The following EFHD1 variants were observed in gnomAD, a reference collection of about 807,000 sequenced individuals.
EFHD1 encodes the protein EF-hand domain-containing protein D1.
EFHD1 carries 10 observed loss-of-function variants against 17.2 expected under a neutral mutation model. That is an observed-to-expected ratio of 0.58 (90% CI 0.36 to 0.99). The LOEUF is 0.99. Among genes scored for constraint, EFHD1 ranks in the 50% least tolerant of loss-of-function variants. EFHD1 has a pLI of 0.01. For synonymous variants in EFHD1, 153 were observed against 142.0 expected (o/e 1.08, Z -0.55); for missense variants, 310 against 327.5 (o/e 0.95, Z 0.41).
intron 1 of EFHD1, chr2:232,638,516 T>C (rs1694361669): frequency 4.3e-6 from 2 of 466,438 alleles, no homozygotes; most frequent in Non-Finnish European, 8.9e-6. Context: ...TCATTTCTCG[T>C]CCCCTCTCCT....
At chr2:232,630,052 C>T (rs947522301), upstream of EFHD1, among the ~76,000 whole-genome samples, 4 of 152,126 alleles carry the variant, frequency 2.6e-5, no homozygotes, top group South Asian at 2.1e-4. Flanking sequence ...CAGGTTCAAG[C>T]GATTCTCCCA....
chr2:232,650,881 C>T (rs1411148071), intron 1 of EFHD1, among the ~76,000 whole-genome samples: 1 of 151,792 alleles, frequency 6.6e-6, no homozygotes, highest in Non-Finnish European at 1.5e-5. Flanking sequence ...TTCTGGATTG[C>T]CTTTAATTAA....
chr2:232,615,083 G>A (rs1359980191), intron 1 of EFHD1, among the ~76,000 whole-genome samples: 2 of 152,076 alleles, frequency 1.3e-5, no homozygotes, highest in African/African-American at 4.8e-5. Flanking sequence ...TCCACCTCCT[G>A]GGCTCAAGCA....
intron 2 of EFHD1, among the ~76,000 whole-genome samples, chr2:232,667,533 A>AT (rs2106214203): frequency 6.6e-6 from 1 of 150,970 alleles, no homozygotes; most frequent in Non-Finnish European, 1.5e-5. Flanking sequence ...ATTTTAATTA[A>AT]TTAATTAATT....
chr2:232,637,351 T>TC (rs964322262), intron 1 of EFHD1, among the ~76,000 whole-genome samples: 3 of 150,554 alleles, frequency 2.0e-5, no homozygotes, highest in Non-Finnish European at 4.4e-5. Context: ...TCCTTTTTTT[T>TC]TTTTTTTTTT....
At chr2:232,613,788 A>T (rs528239478) in intron 1 of EFHD1, among the ~76,000 whole-genome samples, 1 of 149,872 alleles carries the variant, frequency 6.7e-6, no homozygotes, top group East Asian at 2.0e-4. Flanking sequence ...ATATACACAC[A>T]CATATACACA....
At chr2:232,665,500 C>A (rs1175292478) in intron 2 of EFHD1, among the ~76,000 whole-genome samples, 1 of 152,090 alleles carries the variant, frequency 6.6e-6, no homozygotes, top group Non-Finnish European at 1.5e-5. Context: ...CGGCTCAGTG[C>A]AACCTCCACC....
intron 1 of EFHD1, among the ~76,000 whole-genome samples, chr2:232,634,354 T>C (rs1694275333): frequency 6.6e-6 from 1 of 151,924 alleles, no homozygotes; most frequent in African/African-American, 2.4e-5. Context: ...AAGGGAGCCG[T>C]CGCCGCGCCT....
intron 3 of EFHD1, among the ~76,000 whole-genome samples, chr2:232,676,967 C>T (rs2106219970): frequency 6.6e-6 from 1 of 151,898 alleles, no homozygotes; most frequent in South Asian, 2.1e-4. Flanking sequence ...ACCACTGGAC[C>T]ACAGCCTGGG....
At position 232,633,644 on chromosome 2, in the gene EFHD1, C is replaced by G. The variant is rs2106192933; in HGVS notation, c.-61C>G. The G allele has an allele frequency of 7.3e-7, 1 of 1,361,580 alleles. No individual in the cohort carries two copies. Among genetic ancestry groups the G allele is most frequent in the African/African-American group, 1.5e-5 (1 of 65,134 alleles). 84.3% of individuals were successfully genotyped at this position (1,361,580 alleles called of 1,614,324 possible). On this transcript the variant is annotated 5_prime_UTR_variant, in exon 1 of 4. Transcript: ENST00000264059. ...CTCGAGCCTGCGAGGAGCGCGCCGC[C>G]CGCCAGCTCCCTGCGTCCCGTCCCG...
intron 1 of EFHD1, 101 bp from the exon 2 acceptor site, chr2:232,662,701 T>G (rs1574727723): frequency 1.3e-6 from 2 of 1,482,782 alleles, no homozygotes; most frequent in Non-Finnish European, 1.8e-6. Context: ...GAGCGGGAGG[T>G]ATTTGAGTCA....
chr2:232,682,341 G>C lies in EFHD1; in HGVS notation c.*622G>C, dbSNP rs565368009. The C allele has an allele frequency of 1.3e-5, 2 of 152,788 alleles. No homozygotes were observed. Among genetic ancestry groups the C allele is most frequent in the Admixed American group, 6.5e-5 (1 of 15,280 alleles). 9.5% of individuals were successfully genotyped at this position (152,788 alleles called of 1,614,324 possible). On this transcript the variant is annotated 3_prime_UTR_variant, in exon 4 of 4. Coordinates refer to ENST00000264059, the MANE Select transcript of EFHD1 (RefSeq NM_025202.4). ...CTGCCACCTTTCTCCTGGCCCCTTA[G>C]CATTCCCCCAGTCCCTCCCTCTTCA...
In EFHD1 at chr2:232,677,247, C is replaced by CGT. The variant is rs1265980944; in HGVS notation, c.586-4338_586-4337insGT. On this transcript the variant is annotated intron_variant, in intron 3 of 3. Coordinates refer to ENST00000264059, the MANE Select transcript of EFHD1 (RefSeq NM_025202.4). The stretch of plus-strand genomic sequence containing the variant: ...ACACACACACACACACACACGTACA[C>CGT]ACACACATCTTTCTATAACACACAC... Among the ~76,000 whole-genome samples the CGT allele has an allele frequency of 3.8e-3, 503 of 132,290 alleles. 3 individuals are homozygous for CGT. The highest frequency in any genetic ancestry group is 6.3e-3 in the Non-Finnish European group (396 of 63,000). The allele number at this position is 132,290 out of a possible 152,430, so 86.8% of individuals were successfully genotyped here. A position where few individuals can be genotyped will look rare whatever the true frequency, so the allele number is the denominator to read the frequency against.
At chr2:232,644,566 G>A (rs1694492229) in intron 1 of EFHD1, among the ~76,000 whole-genome samples, 1 of 151,528 alleles carries the variant, frequency 6.6e-6, no homozygotes, top group Non-Finnish European at 1.5e-5. Flanking sequence ...AGGCTGGAGT[G>A]CAGTGGTGCG....
At chr2:232,610,472 G>A (rs1191966467) in intron 1 of EFHD1, among the ~76,000 whole-genome samples, 2 of 152,220 alleles carry the variant, frequency 1.3e-5, no homozygotes, top group African/African-American at 4.8e-5. Flanking sequence ...CTACTCAGGA[G>A]GCTGAGGCAG....
intron 1 of EFHD1, among the ~76,000 whole-genome samples, chr2:232,654,025 G>A (rs1270996751): frequency 6.6e-6 from 1 of 151,902 alleles, no homozygotes; most frequent in African/African-American, 2.4e-5. Flanking sequence ...TGACCAACAT[G>A]GAGAAACCCT....
intron 1 of EFHD1, among the ~76,000 whole-genome samples, chr2:232,621,883 C>T (rs1183355502): frequency 2.0e-5 from 3 of 152,180 alleles, no homozygotes; most frequent in Non-Finnish European, 4.4e-5. Context: ...CCCCTCTGTG[C>T]CCATGACAGA....
chr2:232,647,399 G>C (rs1353168704), intron 1 of EFHD1, among the ~76,000 whole-genome samples: 1 of 152,216 alleles, frequency 6.6e-6, no homozygotes, highest in Admixed American at 6.5e-5. Context: ...TCTGAGACCT[G>C]TGCCCCCTGG....
chr2:232,633,908 C>T lies in EFHD1; in HGVS notation c.204C>T (p.Gly68=). 11 of 1,580,106 alleles carry T rather than the reference C, an allele frequency of 7.0e-6. No individual in the cohort carries two copies. The highest frequency in any genetic ancestry group is 9.4e-6 in the Non-Finnish European group (11 of 1,172,404). The change falls in exon 1 of 4, where the codon GGC becomes GGT. Residue 68 remains glycine (G), a synonymous_variant. Transcript: ENST00000264059. Reference sequence around the variant, plus strand: ...GCCGGCGGCTGGACATCAACGAGGGCGCTGCGCGGCCCCGGCGCTGCAGGG... The same window carrying T: ...GCCGGCGGCTGGACATCAACGAGGGTGCTGCGCGGCCCCGGCGCTGCAGGG... ...QLSRRLDINE[G]AARPRRCRVF... is the part of the protein sequence containing the mutation.
Sources: allele counts gnomAD v4.1 joint callset (sites outside exome capture counted in the v4.1 genomes callset), GRCh38; gene constraint gnomAD v4.1.1; transcripts MANE v1.5; gene names NCBI Gene and HGNC (gene_info 2026-07-23, HGNC 2026-07-21).